The following ABLIM1 variants were observed in gnomAD, a reference collection of about 807,000 sequenced individuals.
ABLIM1 encodes actin binding LIM protein 1, also known as actin-binding LIM protein 1.
Under a neutral mutation model 107.0 loss-of-function variants are expected in ABLIM1, and 40 were observed. That is an observed-to-expected ratio of 0.37 (90% confidence interval 0.29 to 0.49). The LOEUF (loss-of-function observed/expected upper bound fraction) is 0.49. Among genes scored for constraint, ABLIM1 ranks in the 20% least tolerant of loss-of-function variants. The pLI is 0.97. For synonymous variants in ABLIM1, 357 were observed against 357.3 expected (o/e 1.00, Z 0.01); for missense variants, 857 against 1,008.5 (o/e 0.85, Z 2.04).
intron 8 of ABLIM1, among the ~76,000 whole-genome samples, chr10:114,480,569 G>A (rs1279992129): frequency 6.6e-6 from 1 of 152,204 alleles, no homozygotes; most frequent in Non-Finnish European, 1.5e-5. Flanking sequence ...TTGGCATGGA[G>A]GTGGGGTGAG....
chr10:114,624,956 C>T (rs1211999088), intron 1 of ABLIM1, among the ~76,000 whole-genome samples: 2 of 152,096 alleles, frequency 1.3e-5, no homozygotes, highest in Non-Finnish European at 2.9e-5. Flanking sequence ...ATGACAAAAA[C>T]TGGAGCACCC....
At chr10:114,754,042 C>T (rs752276753) in intron 1 of ABLIM1, among the ~76,000 whole-genome samples, 21 of 152,060 alleles carry the variant, frequency 1.4e-4, no homozygotes, top group African/African-American at 3.4e-4. Context: ...TTAGTAGAGA[C>T]GGCGTTTCAC....
intron 6 of ABLIM1, among the ~76,000 whole-genome samples, chr10:114,542,282 G>T (rs1431732966): frequency 4.0e-5 from 6 of 151,726 alleles, no homozygotes; most frequent in Non-Finnish European, 7.4e-5. Context: ...GTGATGGCAT[G>T]CACCTGTAGT....
intron 4 of ABLIM1, among the ~76,000 whole-genome samples, chr10:114,549,856 A>G (rs1344615817): frequency 6.6e-6 from 1 of 152,180 alleles, no homozygotes; most frequent in Non-Finnish European, 1.5e-5. Flanking sequence ...CAGGCCATAG[A>G]ACAGTAAGCA....
intron 6 of ABLIM1, among the ~76,000 whole-genome samples, chr10:114,531,902 C>T (rs950700471): frequency 1.3e-5 from 2 of 152,154 alleles, no homozygotes; most frequent in African/African-American, 4.8e-5. Flanking sequence ...GCAACCTCCA[C>T]CTCCTGGGTT....
chr10:114,535,103 G>T (rs1348833311), intron 6 of ABLIM1, among the ~76,000 whole-genome samples: 1 of 152,182 alleles, frequency 6.6e-6, no homozygotes. Flanking sequence ...GTACCAGGTT[G>T]TTCTTCTCCA....
At chr10:114,786,726 ACCGCGAGTGAT>A in the ABLIM1 span, among the ~76,000 whole-genome samples, 1 of 152,230 alleles carries the variant, frequency 6.6e-6, no homozygotes, top group Non-Finnish European at 1.5e-5. Context: ...CCAGCTCCTA[ACCGCGAGTGAT>A]CCGCCAGCCT....
chr10:114,787,179 C>T, the ABLIM1 span, among the ~76,000 whole-genome samples: 16 of 151,316 alleles, frequency 1.1e-4, no homozygotes, highest in Admixed American at 7.2e-4. Context: ...CGTCTCTGCC[C>T]GGCCGCCCCG....
At chr10:114,517,044 G>A (rs76628381) in intron 6 of ABLIM1, among the ~76,000 whole-genome samples, 3,018 of 152,114 alleles carry the variant, frequency 0.02, 104 homozygotes, top group African/African-American at 0.069. Context: ...TGTTGATTAC[G>A]ACAAGAACAA....
chr10:114,595,846 A>G (rs971439659), intron 2 of ABLIM1, among the ~76,000 whole-genome samples: 5 of 152,094 alleles, frequency 3.3e-5, no homozygotes, highest in African/African-American at 9.7e-5. Context: ...AATTTCACAC[A>G]CAGTTATATA....
intron 1 of ABLIM1, among the ~76,000 whole-genome samples, chr10:114,675,378 A>G (rs561391985): frequency 7.2e-5 from 11 of 152,292 alleles, no homozygotes; most frequent in African/African-American, 2.6e-4. Context: ...TATTCTTGTG[A>G]TAGTGAATAA....
chr10:114,594,012 C>T (rs1156258392), intron 2 of ABLIM1, among the ~76,000 whole-genome samples: 1 of 152,202 alleles, frequency 6.6e-6, no homozygotes, highest in Non-Finnish European at 1.5e-5. Context: ...ATTTATATCA[C>T]ACTTATGTTT....
intron 4 of ABLIM1, among the ~76,000 whole-genome samples, chr10:114,548,475 C>A (rs933868804): frequency 4.6e-5 from 7 of 152,210 alleles, no homozygotes; most frequent in African/African-American, 1.4e-4. Flanking sequence ...AAGTTACACC[C>A]TTTTGAAGCC....
chr10:114,453,449 G>C lies in ABLIM1; in HGVS notation c.1476C>G (p.Leu492=). The change falls in exon 13 of 23, where the codon CTC becomes CTG. Residue 492 remains leucine, a synonymous_variant. Coordinates refer to ENST00000533213, the MANE Select transcript of ABLIM1 (RefSeq NM_002313.7). ...GAGGGCGGCTGTCTGGCCGGTAAGGGAGAGGGGAGTTCCGGCCGCTGGACG... is the reference window on the plus strand; with the variant it reads ...GAGGGCGGCTGTCTGGCCGGTAAGGCAGAGGGGAGTTCCGGCCGCTGGACG... ...NEPSSGRNSP[L]PYRPDSRPLT... 6.2e-7 allele frequency: 1 copy of C among 1,611,596 alleles called. No individual in the cohort carries two copies. Among genetic ancestry groups the C allele is most frequent in the Middle Eastern group, 1.7e-4 (1 of 6,046 alleles).
At chr10:114,502,817 C>A (rs1357377158) in intron 6 of ABLIM1, among the ~76,000 whole-genome samples, 1 of 152,132 alleles carries the variant, frequency 6.6e-6, no homozygotes, top group Non-Finnish European at 1.5e-5. Flanking sequence ...TCTAAGTGCA[C>A]AGCTTCATAA....
intron 1 of ABLIM1, among the ~76,000 whole-genome samples, chr10:114,703,080 A>G (rs917663088): frequency 3.3e-5 from 5 of 152,170 alleles, no homozygotes; most frequent in Admixed American, 3.3e-4. Flanking sequence ...TACACTACAT[A>G]TAATTTTTGC....
intron 4 of ABLIM1, among the ~76,000 whole-genome samples, chr10:114,559,577 G>T: frequency 6.6e-6 from 1 of 152,288 alleles, no homozygotes; most frequent in African/African-American, 2.4e-5. Context: ...TCTCCCTCGG[G>T]GCAGGGCAAG....
chr10:114,597,730 G>C (rs1195281485), intron 2 of ABLIM1, among the ~76,000 whole-genome samples: 1 of 152,170 alleles, frequency 6.6e-6, no homozygotes, highest in East Asian at 1.9e-4. Flanking sequence ...CATTAGCCTA[G>C]ACCTTCAGTA....
chr10:114,535,320 T>C, intron 6 of ABLIM1, among the ~76,000 whole-genome samples: 1 of 152,042 alleles, frequency 6.6e-6, no homozygotes, highest in Admixed American at 6.5e-5. Flanking sequence ...ATCTTTTTTT[T>C]TTCTCCCTGA....
Sources: allele counts gnomAD v4.1 joint callset (sites outside exome capture counted in the v4.1 genomes callset), GRCh38; gene constraint gnomAD v4.1.1; transcripts MANE v1.5; gene names NCBI Gene and HGNC (gene_info 2026-07-23, HGNC 2026-07-21).